CLEC17A: variants seen among roughly 807,000 people sequenced by gnomAD.
The protein encoded by CLEC17A is C-type lectin domain family 17, member A.
A neutral mutation model predicts 61.3 loss-of-function variants in CLEC17A; 37 were observed. The observed-to-expected ratio is 0.60, with a 90% CI of 0.46 to 0.79. CLEC17A has a LOEUF of 0.79. CLEC17A is among the 30% of genes least tolerant of loss of function. The probability of loss-of-function intolerance (pLI) is 0.00; values close to 1 mark genes in which losing one functional copy is unlikely to be tolerated. For missense variants in CLEC17A, 418 were observed against 464.7 expected (o/e 0.90, Z 0.92); for synonymous variants, 168 against 164.9 (o/e 1.02, Z -0.14).
intron 12 of CLEC17A, among the ~76,000 whole-genome samples, chr19:14,603,526 C>G (rs1381965255): frequency 1.3e-5 from 2 of 152,048 alleles, no homozygotes; most frequent in South Asian, 2.1e-4. Flanking sequence ...GTGGCATGAT[C>G]TTGGCTCACT....
intron 12 of CLEC17A, among the ~76,000 whole-genome samples, chr19:14,603,897 T>A (rs2074787251): frequency 6.6e-6 from 1 of 152,198 alleles, no homozygotes. Context: ...TAAACTGCTC[T>A]GATTTTGGTG....
At chr19:14,582,944 G>A (rs2074199641), upstream of CLEC17A, 1 of 553,188 alleles carries the variant, frequency 1.8e-6, no homozygotes, top group Admixed American at 3.2e-5. Flanking sequence ...AATCCAAACT[G>A]GGGAGAAAGG....
chr19:14,587,757 T>C lies in CLEC17A; in HGVS notation c.199+66T>C, dbSNP rs149261037. The C allele has an allele frequency of 3.0e-5, 48 of 1,598,870 alleles. No homozygotes were observed. The East Asian group carries it at 3.4e-4, about 11-fold the overall frequency. ...GAACGGGGTCTCCAGTGGGCATTGGTTGGGCATTGTAGACACACAGTCAGT... is the reference window on the plus strand; with the variant it reads ...GAACGGGGTCTCCAGTGGGCATTGGCTGGGCATTGTAGACACACAGTCAGT... On this transcript the variant is annotated intron_variant, in intron 3 of 13. Transcript: ENST00000417570.
intron 10 of CLEC17A, 175 bp from the exon 11 acceptor site, chr19:14,599,542 A>C: frequency 1.5e-6 from 1 of 682,102 alleles, no homozygotes. Flanking sequence ...CCTCTGAGCC[A>C]TTCTCGGATT....
At chr19:14,600,006 T>C in intron 11 of CLEC17A, 25 bp from the exon 12 acceptor site, 2 of 1,611,850 alleles carry the variant, frequency 1.2e-6, no homozygotes, top group Non-Finnish European at 1.7e-6. Flanking sequence ...GGGGCCATCC[T>C]GACAGCATTC....
intron 12 of CLEC17A, 27 bp from the exon 13 acceptor site, chr19:14,606,966 C>A: frequency 8.3e-7 from 1 of 1,203,512 alleles, no homozygotes; most frequent in South Asian, 2.9e-5. Context: ...AGAGGAATGG[C>A]TGGCTGAATG....
intron 3 of CLEC17A, 108 bp downstream of exon 3, chr19:14,587,799 C>A: frequency 6.5e-7 from 1 of 1,546,430 alleles, no homozygotes; most frequent in South Asian, 1.2e-5. Flanking sequence ...TCTACACAGC[C>A]CATGCCGGGC....
intron 3 of CLEC17A, among the ~76,000 whole-genome samples, chr19:14,589,108 T>C (rs1292358443): frequency 2.0e-5 from 3 of 151,132 alleles, no homozygotes; most frequent in African/African-American, 7.4e-5. Context: ...TCACCCTCTC[T>C]ACTATAGCCC....
At chr19:14,593,934 C>T (rs1230511677) in intron 4 of CLEC17A, among the ~76,000 whole-genome samples, 2 of 151,200 alleles carry the variant, frequency 1.3e-5, no homozygotes, top group Non-Finnish European at 2.9e-5. Flanking sequence ...TGAACTCCAG[C>T]CTGGGAGACA....
intron 12 of CLEC17A, among the ~76,000 whole-genome samples, chr19:14,603,052 G>A (rs2074763594): frequency 6.6e-6 from 1 of 152,180 alleles, no homozygotes. Context: ...GGCTTTTGAA[G>A]GAGTTAAATT....
At chr19:14,583,060 G>A (rs2146653265), upstream of CLEC17A, 1 of 1,335,686 alleles carries the variant, frequency 7.5e-7, no homozygotes, top group Non-Finnish European at 1.1e-6. Context: ...ACTTTGAAAG[G>A]AAAAGGGAAC....
chr19:14,610,300 A>G lies in CLEC17A; in HGVS notation c.*104A>G. The G allele has an allele frequency of 6.8e-7, 1 of 1,467,196 alleles. No homozygotes were observed. Among genetic ancestry groups the G allele is most frequent in the Non-Finnish European group, 9.1e-7 (1 of 1,099,102 alleles). 90.9% of individuals were successfully genotyped at this position (1,467,196 alleles called of 1,614,324 possible). A position where few individuals can be genotyped will look rare whatever the true frequency, so the allele number is the denominator to read the frequency against. ...TGCCTCTTCGTGAGTGGACACACAG[A>G]TGTGCCTCAAACAGGATTGGCACCC... is the stretch of plus-strand genomic sequence containing the variant. On this transcript the variant is annotated 3_prime_UTR_variant, in exon 14 of 14. Transcript: ENST00000417570.
chr19:14,582,491 C>T (rs79395102), upstream of CLEC17A, among the ~76,000 whole-genome samples: 3 of 152,114 alleles, frequency 2.0e-5, no homozygotes, highest in Non-Finnish European at 2.9e-5. Flanking sequence ...GGATTACAGG[C>T]GTGAGCCACG....
rs546292965 is a variant in CLEC17A, at chr19:14,610,159, C to T, written c.1100C>T (p.Thr367Ile). ...GTWNDLSCYK[T>I]TYWICERKCS... ...TGGAATGATCTCTCTTGCTACAAAACTACGTATTGGATTTGTGAGCGGAAA... is the reference window on the plus strand; with the variant it reads ...TGGAATGATCTCTCTTGCTACAAAATTACGTATTGGATTTGTGAGCGGAAA... Residue 367 changes from threonine (T) to isoleucine (I), a missense_variant, in exon 14 of 14, where the codon ACT becomes ATT. By Grantham distance (89) the Thr-to-Ile change is moderately conservative. Transcript: ENST00000417570. The T allele has an allele frequency of 1.3e-6, 2 of 1,592,364 alleles. No individual in the cohort carries two copies. Among genetic ancestry groups the T allele is most frequent in the East Asian group, 2.3e-5 (1 of 44,218 alleles).
intron 2 of CLEC17A, chr19:14,584,310 A>T (rs2074237601): frequency 6.6e-6 from 1 of 152,130 alleles, no homozygotes; most frequent in Admixed American, 6.6e-5. Flanking sequence ...GAGCAGTTCG[A>T]CACCCCCAAG....
rs757111898 is a variant in CLEC17A, at chr19:14,594,741, C to T, written c.362-18C>T. ...CTGGCTGAAGCCCTTCTTGAAATGA[C>T]TTTCTCATCTCTTCTAGGCCTGGAC... On this transcript the variant is annotated intron_variant, in intron 6 of 13. Transcript: ENST00000417570. The T allele has an allele frequency of 1.7e-5, 28 of 1,613,872 alleles. No individual in the cohort carries two copies. The highest frequency in any genetic ancestry group is 1.6e-4 in the Middle Eastern group (1 of 6,084).
At chr19:14,607,409 T>C (rs1599578850) in intron 13 of CLEC17A, among the ~76,000 whole-genome samples, 1 of 151,732 alleles carries the variant, frequency 6.6e-6, no homozygotes, top group South Asian at 2.1e-4. Context: ...TTCACCGTGT[T>C]AGCCAGGATG....
intron 13 of CLEC17A, among the ~76,000 whole-genome samples, chr19:14,609,828 A>ACT (rs2075002930): frequency 6.8e-6 from 1 of 147,792 alleles, no homozygotes; most frequent in African/African-American, 2.5e-5. Context: ...ACAGAGTGAG[A>ACT]CTCTGTCTCC....
chr19:14,595,380 C>A, intron 8 of CLEC17A, 65 bp downstream of exon 8: 1 of 1,556,892 alleles, frequency 6.4e-7, no homozygotes, highest in Non-Finnish European at 8.9e-7. Flanking sequence ...TATGGCTCTA[C>A]AGTGAGACCC....
Sources: allele counts gnomAD v4.1 joint callset (sites outside exome capture counted in the v4.1 genomes callset), GRCh38; gene constraint gnomAD v4.1.1; transcripts MANE v1.5; gene names NCBI Gene and HGNC (gene_info 2026-07-23, HGNC 2026-07-21).